VPS50: variants seen among roughly 807,000 people sequenced by gnomAD.
VPS50 encodes syndetin.
Under a neutral mutation model 139.7 loss-of-function variants are expected in VPS50, and 70 were observed. That is an observed-to-expected ratio of 0.50 (90% confidence interval 0.41 to 0.61). VPS50 has a LOEUF of 0.61. VPS50 is among the 20% of genes least tolerant of loss of function. The probability of loss-of-function intolerance (pLI) is 0.00; values close to 1 mark genes in which losing one functional copy is unlikely to be tolerated. For missense variants in VPS50, 921 were observed against 1,133.7 expected, an observed-to-expected ratio of 0.81 and a Z score of 2.69; for synonymous variants, 365 against 376.7, an observed-to-expected ratio of 0.97 and a Z score of 0.36.
In VPS50 at chr7:93,358,369, A is replaced by C. The variant is rs759917313; in HGVS notation, c.2828A>C (p.His943Pro). 6.2e-7 allele frequency: 1 copy of C among 1,612,390 alleles called. No homozygotes were observed. The highest frequency in any genetic ancestry group is 8.5e-7 in the Non-Finnish European group (1 of 1,178,594). Residue 943 changes from histidine to proline, a missense_variant, in exon 28 of 28, where the codon CAT becomes CCT. This residue lies in a region of VPS50 where 158 missense variants were observed against 156.3 expected (regional missense o/e 1.01). Transcript: ENST00000305866. ...TNLVNVCLGS[H>P]INKKARQKLL... is the part of the protein sequence containing the mutation. ...CTGGTGAATGTTTGCCTGGGATCCCATATCAATAAGAAAGCAAGACAAAAA... is the reference window on the plus strand; with the variant it reads ...CTGGTGAATGTTTGCCTGGGATCCCCTATCAATAAGAAAGCAAGACAAAAA...
chr7:93,301,777 T>C (rs1244345981), intron 16 of VPS50, among the ~76,000 whole-genome samples: 1 of 152,194 alleles, frequency 6.6e-6, no homozygotes, highest in Non-Finnish European at 1.5e-5. Context: ...GAAACTAATA[T>C]AGAGTAGAAT....
At chr7:93,265,193 C>T (rs1342185441) in intron 9 of VPS50, among the ~76,000 whole-genome samples, 1 of 151,904 alleles carries the variant, frequency 6.6e-6, no homozygotes, top group Non-Finnish European at 1.5e-5. Flanking sequence ...GACACATATA[C>T]ACACATATAT....
At chr7:93,354,270 C>T (rs1281481031) in intron 26 of VPS50, among the ~76,000 whole-genome samples, 1 of 149,240 alleles carries the variant, frequency 6.7e-6, no homozygotes, top group African/African-American at 2.5e-5. Context: ...ATATGTACCC[C>T]TGATTTCTTT....
chr7:93,275,224 A>G (rs1271498335), intron 11 of VPS50, among the ~76,000 whole-genome samples: 2 of 152,208 alleles, frequency 1.3e-5, no homozygotes, highest in Non-Finnish European at 2.9e-5. Context: ...TTGGGATATT[A>G]CATAAACTTA....
chr7:93,348,882 GTTTT>G, intron 24 of VPS50, 75 bp downstream of exon 24: 1 of 1,050,046 alleles, frequency 9.5e-7, no homozygotes, highest in Non-Finnish European at 1.4e-6. Context: ...ATTTTTTGTT[GTTTT>G]TTTTAACTGG....
intron 4 of VPS50, chr7:93,256,289 C>T: frequency 3.3e-6 from 1 of 304,592 alleles, no homozygotes; most frequent in Non-Finnish European, 6.0e-6. Context: ...TATTGAGTTT[C>T]TGTTAAGGAC....
intron 1 of VPS50, among the ~76,000 whole-genome samples, chr7:93,232,794 C>T (rs1230704564): frequency 8.5e-5 from 13 of 152,080 alleles, no homozygotes; most frequent in Non-Finnish European, 2.9e-5. Context: ...CAGAACAGCC[C>T]GAGCTTCCTT....
chr7:93,341,303 G>T, intron 22 of VPS50, 124 bp from the exon 23 acceptor site: 1 of 610,296 alleles, frequency 1.6e-6, no homozygotes, highest in Non-Finnish European at 2.8e-6. Flanking sequence ...AAAAAGAACT[G>T]AACCTAAATG....
rs1798817819 is a variant in VPS50, at chr7:93,361,056, T to C, written c.*2620T>C. ...TTTTTCTTAACTCACCAAAAAGTAG[T>C]AAAAGGCTTGTAATTCAATTCACCT... On this transcript the variant is annotated 3_prime_UTR_variant, in exon 28 of 28. Coordinates refer to ENST00000305866, the MANE Select transcript of VPS50 (RefSeq NM_017667.4). The C allele has an allele frequency of 6.6e-6, 1 of 151,780 alleles. No homozygotes were observed. Among genetic ancestry groups the C allele is most frequent in the East Asian group, 1.9e-4 (1 of 5,200 alleles). The allele number at this position is 151,780 out of a possible 1,614,324, so 9.4% of individuals were successfully genotyped here. A position where few individuals can be genotyped will look rare whatever the true frequency, so the allele number is the denominator to read the frequency against.
At position 93,311,240 on chromosome 7, in the gene VPS50, C is replaced by T. The variant is rs1797258066; in HGVS notation, c.1823C>T (p.Thr608Ile). 7.5e-7 allele frequency: 1 copy of T among 1,333,462 alleles called. No individual in the cohort carries two copies. Among genetic ancestry groups the T allele is most frequent in the Non-Finnish European group, 1.1e-6 (1 of 924,290 alleles). The allele number at this position is 1,333,462 out of a possible 1,614,324, so 82.6% of individuals were successfully genotyped here. A position where few individuals can be genotyped will look rare whatever the true frequency, so the allele number is the denominator to read the frequency against. ...AATAAAGTGAATGCACCTATCTTAA[C>T]AAATACAACATTGAACGTCATAAGA... Reference protein sequence around the residue: ...SLNKVNAPILTNTTLNVIRLV... With the variant: ...SLNKVNAPILINTTLNVIRLV... Residue 608 changes from threonine (T) to isoleucine (I), a missense_variant, in exon 20 of 28, where the codon ACA becomes ATA. By Grantham distance (89) the Thr-to-Ile change is moderately conservative. This residue lies in a region of VPS50 where 744 missense variants were observed against 930.6 expected (regional missense o/e 0.80). Transcript: ENST00000305866.
In VPS50 at chr7:93,311,205, T is replaced by C; in HGVS notation, c.1788T>C (p.Asp596=). 1 of 1,422,356 alleles carries C rather than the reference T, an allele frequency of 7.0e-7. No homozygotes were observed. The highest frequency in any genetic ancestry group is 9.9e-7 in the Non-Finnish European group (1 of 1,005,536). 88.1% of individuals were successfully genotyped at this position (1,422,356 alleles called of 1,614,324 possible). A position where few individuals can be genotyped will look rare whatever the true frequency, so the allele number is the denominator to read the frequency against. ...RETLKSRKKS[D]YSLNKVNAPI... is the part of the protein sequence containing the mutation. ...CTCTAAAAAGCAGGAAGAAATCAGA[T>C]TACAGTCTAAATAAAGTGAATGCAC... The change falls in exon 20 of 28, where the codon GAT becomes GAC. Residue 596 remains aspartate, a synonymous_variant. Transcript: ENST00000305866.
chr7:93,293,057 A>G (rs1796695758), intron 13 of VPS50, among the ~76,000 whole-genome samples: 1 of 152,158 alleles, frequency 6.6e-6, no homozygotes, highest in African/African-American at 2.4e-5. Context: ...GTTTGCTCCT[A>G]AAATTGGTCA....
intron 20 of VPS50, among the ~76,000 whole-genome samples, chr7:93,312,930 A>C (rs1040868224): frequency 2.0e-5 from 3 of 152,148 alleles, no homozygotes; most frequent in Non-Finnish European, 2.9e-5. Context: ...ATTCCTTGAG[A>C]TGTAGTCAGC....
rs754309617 is a variant in VPS50, at chr7:93,297,285, T to C, written c.1361+42T>C. On this transcript the variant is annotated intron_variant, in intron 16 of 27. Coordinates refer to ENST00000305866, the MANE Select transcript of VPS50 (RefSeq NM_017667.4). ...GATATGAATCGACTTATTTAGGTAATGAGAATACTTTTGTCTAATACTTAA... is the reference window on the plus strand; with the variant it reads ...GATATGAATCGACTTATTTAGGTAACGAGAATACTTTTGTCTAATACTTAA... The C allele has an allele frequency of 6.1e-6, 9 of 1,472,984 alleles. No homozygotes were observed. In the East Asian group the frequency reaches 2.4e-4, roughly 40 times the overall value. 91.2% of individuals were successfully genotyped at this position (1,472,984 alleles called of 1,614,324 possible).
intron 12 of VPS50, among the ~76,000 whole-genome samples, chr7:93,289,544 AC>A (rs1796589960): frequency 1.3e-5 from 2 of 152,002 alleles, no homozygotes; most frequent in Non-Finnish European, 2.9e-5. Context: ...ATCAAATGTT[AC>A]TTTTATTACT....
At chr7:93,282,925 A>G (rs1796370414) in intron 12 of VPS50, among the ~76,000 whole-genome samples, 1 of 152,240 alleles carries the variant, frequency 6.6e-6, no homozygotes, top group East Asian at 1.9e-4. Context: ...ATTTTGTAGT[A>G]TATAATTTTA....
At chr7:93,333,021 G>A (rs770534756) in intron 21 of VPS50, among the ~76,000 whole-genome samples, 16 of 152,078 alleles carry the variant, frequency 1.1e-4, no homozygotes, top group Non-Finnish European at 1.8e-4. Flanking sequence ...CTCTATTATG[G>A]TGCTGGTTGC....
chr7:93,327,582 T>G (rs536014898), intron 21 of VPS50, among the ~76,000 whole-genome samples: 6 of 152,194 alleles, frequency 3.9e-5, no homozygotes, highest in Non-Finnish European at 7.4e-5. Flanking sequence ...ATTTTATATT[T>G]AAACCATTTT....
intron 23 of VPS50, among the ~76,000 whole-genome samples, chr7:93,342,639 G>A (rs1400958446): frequency 6.6e-6 from 1 of 152,228 alleles, no homozygotes; most frequent in Admixed American, 6.5e-5. Flanking sequence ...CTGAGAACGG[G>A]CAGACTGCCT....
Sources: allele counts gnomAD v4.1 joint callset (sites outside exome capture counted in the v4.1 genomes callset), GRCh38; gene constraint gnomAD v4.1.1; regional missense constraint gnomAD v4.1.1; transcripts MANE v1.5; gene names NCBI Gene and HGNC (gene_info 2026-07-23, HGNC 2026-07-21).